Variants in COL9A1 observed in about 807,000 individuals in gnomAD.
The protein encoded by COL9A1 is collagen alpha-1(IX) chain.
COL9A1 carries 104 observed loss-of-function variants against 142.6 expected under a neutral mutation model. That is an observed-to-expected ratio of 0.73 (90% CI 0.62 to 0.86). The LOEUF (loss-of-function observed/expected upper bound fraction) is 0.86, where lower values mean the gene tolerates loss of function less well. Ranked by LOEUF, COL9A1 falls within the 40% of genes least tolerant of loss-of-function variation. The pLI, the probability that COL9A1 is intolerant of heterozygous loss-of-function variation, is 0.00. For missense variants in COL9A1, 1,210 were observed against 1,176.6 expected, an observed-to-expected ratio of 1.03 and a Z score of -0.42; for synonymous variants, 466 against 396.0, an observed-to-expected ratio of 1.18 and a Z score of -2.10.
chr6:70,263,628 G>A (rs1220335265), intron 18 of COL9A1, among the ~76,000 whole-genome samples: 1 of 151,862 alleles, frequency 6.6e-6, no homozygotes, highest in Non-Finnish European at 1.5e-5. Context: ...GAGATAGAGA[G>A]AGTAAAGTTA....
chr6:70,255,482 A>T (rs1771223193), intron 21 of COL9A1, 92 bp from the exon 22 acceptor site: 2 of 1,093,912 alleles, frequency 1.8e-6, no homozygotes, highest in Non-Finnish European at 2.8e-6. Flanking sequence ...TCACCAAACT[A>T]TTAGTCTTCC....
intron 5 of COL9A1, among the ~76,000 whole-genome samples, chr6:70,284,558 G>A (rs1773367481): frequency 6.6e-6 from 1 of 152,166 alleles, no homozygotes; most frequent in Non-Finnish European, 1.5e-5. Context: ...TTGTTAGCAG[G>A]TGTTACAGGA....
At chr6:70,282,567 G>A (rs1391867293) in intron 7 of COL9A1, among the ~76,000 whole-genome samples, 1 of 151,976 alleles carries the variant, frequency 6.6e-6, no homozygotes, top group Non-Finnish European at 1.5e-5. Flanking sequence ...TGACCAGGAG[G>A]TGGGGCGGGG....
intron 28 of COL9A1, among the ~76,000 whole-genome samples, chr6:70,246,501 T>C (rs1483712299): frequency 6.6e-6 from 1 of 152,204 alleles, no homozygotes; most frequent in African/African-American, 2.4e-5. Flanking sequence ...AGAAATATAT[T>C]GCACTAGATG....
intron 13 of COL9A1, 61 bp from the exon 14 acceptor site, chr6:70,271,769 T>C (rs1436492196): frequency 7.1e-7 from 1 of 1,414,560 alleles, no homozygotes; most frequent in East Asian, 2.4e-5. Context: ...CTATCATACA[T>C]TATATCAAAT....
rs1342265500 is a variant in COL9A1 at position 70,281,047 on chromosome 6, G to C, written c.877-8C>G. The stretch of plus-strand genomic sequence containing the variant: ...CTTAGGACCTCGGTCACCCTGGAGG[G>C]GTAGGAGAAAAAGAGAGAGCAGTCT... On this transcript the variant is annotated splice_region_variant and splice_polypyrimidine_tract_variant and intron_variant, in intron 8 of 37. Coordinates refer to ENST00000357250, the MANE Select transcript of COL9A1 (RefSeq NM_001851.6). 1.2e-6 allele frequency: 2 copies of C among 1,605,916 alleles called. No homozygotes were observed. Among genetic ancestry groups the C allele is most frequent in the African/African-American group, 2.7e-5 (2 of 74,074 alleles).
At chr6:70,254,917 G>A (rs1184607096) in intron 24 of COL9A1, 46 bp downstream of exon 24, 2 of 1,564,618 alleles carry the variant, frequency 1.3e-6, no homozygotes, top group African/African-American at 2.7e-5. Context: ...AGTTGGCCAG[G>A]GCAGAGACAG....
At chr6:70,255,085 T>C in intron 23 of COL9A1, 65 bp downstream of exon 23, 2 of 1,613,240 alleles carry the variant, frequency 1.2e-6, no homozygotes, top group Non-Finnish European at 1.7e-6. Flanking sequence ...CATTATTTTC[T>C]AAAGTTTCAT....
chr6:70,269,088 TC>T (rs1293506026), intron 16 of COL9A1, among the ~76,000 whole-genome samples: 1 of 152,152 alleles, frequency 6.6e-6, no homozygotes, highest in Non-Finnish European at 1.5e-5. Flanking sequence ...TATAATACCC[TC>T]CCCCATGAAT....
At chr6:70,263,880 A>T in intron 18 of COL9A1, among the ~76,000 whole-genome samples, 3 of 152,090 alleles carry the variant, frequency 2.0e-5, no homozygotes, top group Admixed American at 2.0e-4. Context: ...ATATACATTT[A>T]TTTATATTTT....
intron 1 of COL9A1, 32 bp from the exon 2 acceptor site, chr6:70,302,106 A>C: frequency 6.7e-7 from 1 of 1,488,576 alleles, no homozygotes; most frequent in South Asian, 1.2e-5. Flanking sequence ...TGACTGAAAC[A>C]GGAGTCCCCG....
chr6:70,281,447 C>A lies in COL9A1; in HGVS notation c.819G>T (p.Glu273Asp). The A allele has an allele frequency of 6.2e-7, 1 of 1,612,752 alleles. No individual in the cohort carries two copies. Among genetic ancestry groups the A allele is most frequent in the Admixed American group, 1.7e-5 (1 of 59,786 alleles). Residue 273 changes from glutamate to aspartate, a missense_variant, in exon 8 of 38, where the codon GAG becomes GAT. Physicochemically the swap from Glu to Asp is conservative, Grantham distance 45 (BLOSUM62 2). Coordinates refer to ENST00000357250, the MANE Select transcript of COL9A1 (RefSeq NM_001851.6). ...GGCCCGGAGGCCCGGGAGGACCCTG[C>A]TCACCCGGGGGACCTCTCTGGCAAA... ...QTTDERGPPG[E>D]QGPPGPPGPP...
chr6:70,286,886 C>T (rs572791609), intron 5 of COL9A1, among the ~76,000 whole-genome samples: 1 of 152,256 alleles, frequency 6.6e-6, no homozygotes, highest in South Asian at 2.1e-4. Context: ...GTTAGTAGAC[C>T]GGAGACATGC....
intron 20 of COL9A1, among the ~76,000 whole-genome samples, chr6:70,259,490 C>T (rs767187037): frequency 1.3e-5 from 2 of 152,276 alleles, no homozygotes; most frequent in Middle Eastern, 3.4e-3. Flanking sequence ...CCTACACACA[C>T]GCCAAGGAAA....
At chr6:70,242,977 C>A (rs1019832508) in intron 28 of COL9A1, among the ~76,000 whole-genome samples, 3 of 152,146 alleles carry the variant, frequency 2.0e-5, no homozygotes, top group African/African-American at 7.2e-5. Context: ...TAAATCACAT[C>A]CTAACTTTTA....
At chr6:70,249,291 T>C (rs1770787169) in intron 28 of COL9A1, among the ~76,000 whole-genome samples, 1 of 152,124 alleles carries the variant, frequency 6.6e-6, no homozygotes, top group Non-Finnish European at 1.5e-5. Context: ...GGAATTGTGT[T>C]TGGCATTTTT....
intron 36 of COL9A1, among the ~76,000 whole-genome samples, chr6:70,230,477 G>A (rs558276806): frequency 6.6e-6 from 1 of 152,280 alleles, no homozygotes; most frequent in Non-Finnish European, 1.5e-5. Context: ...TCATGTTATA[G>A]ATTATGTCAT....
At chr6:70,262,049 C>A (rs2127582407) in intron 19 of COL9A1, among the ~76,000 whole-genome samples, 1 of 152,172 alleles carries the variant, frequency 6.6e-6, no homozygotes, top group Non-Finnish European at 1.5e-5. Context: ...ATCCTTAATC[C>A]CTGAAAATAC....
chr6:70,282,353 C>T (rs1773217525), intron 7 of COL9A1, among the ~76,000 whole-genome samples: 1 of 152,270 alleles, frequency 6.6e-6, no homozygotes, highest in African/African-American at 2.4e-5. Context: ...CCGCCGGGTC[C>T]TCCCTCGCGC....
Sources: gnomAD v4.1 joint callset for allele counts (sites outside exome capture counted in the v4.1 genomes callset) on GRCh38, gnomAD v4.1.1 for gene constraint, MANE v1.5 for transcripts, NCBI Gene and HGNC (gene_info 2026-07-23, HGNC 2026-07-21) for gene names.